ADD2: variants seen among roughly 807,000 people sequenced by gnomAD.
ADD2 encodes beta-adducin.
In ADD2, 23 loss-of-function variants were observed where a neutral mutation model predicts 83.0. That is an observed-to-expected ratio of 0.28 (90% CI 0.20 to 0.39). ADD2 has a LOEUF of 0.39. ADD2 is among the 10% of genes least tolerant of loss of function. The pLI, the probability that ADD2 is intolerant of heterozygous loss-of-function variation, is 1.00. For synonymous variants in ADD2, 375 were observed against 375.4 expected, an observed-to-expected ratio of 1.00 and a Z score of 0.01; for missense variants, 758 against 944.9, an observed-to-expected ratio of 0.80 and a Z score of 2.59.
intron 1 of ADD2, among the ~76,000 whole-genome samples, chr2:70,765,940 C>A (rs956629038): frequency 1.3e-5 from 2 of 152,110 alleles, no homozygotes; most frequent in Non-Finnish European, 2.9e-5. Flanking sequence ...ATCTACTAGT[C>A]TTTTTTATAT....
At chr2:70,695,911 C>T in intron 5 of ADD2, 110 bp from the exon 6 acceptor site, 1 of 899,676 alleles carries the variant, frequency 1.1e-6, no homozygotes, top group Non-Finnish European at 1.8e-6. Context: ...AAGTCCATCT[C>T]TAATGAACCC....
intron 1 of ADD2, among the ~76,000 whole-genome samples, chr2:70,763,765 A>T (rs1434838334): frequency 6.6e-6 from 1 of 152,000 alleles, no homozygotes; most frequent in Non-Finnish European, 1.5e-5. Flanking sequence ...ATTATAGGAA[A>T]TTGAGCAGGA....
chr2:70,735,028 A>G (rs1553379846), intron 1 of ADD2, among the ~76,000 whole-genome samples: 4 of 152,202 alleles, frequency 2.6e-5, no homozygotes, highest in African/African-American at 9.7e-5. Flanking sequence ...TGAAATAATT[A>G]TGAGGAAAAA....
rs1031062707 is a variant in ADD2, at chr2:70,662,026, T to C, written c.*1399A>G. 4 of 152,238 alleles carry C rather than the reference T, an allele frequency of 2.6e-5. No homozygotes were observed. Among genetic ancestry groups the C allele is most frequent in the African/African-American group, 9.6e-5 (4 of 41,462 alleles). 9.4% of individuals were successfully genotyped at this position (152,238 alleles called of 1,614,324 possible). The stretch of plus-strand genomic sequence containing the variant: ...GTATGTGAAGCCTGCACAGTGTCTA[T>C]AGATAGCAAGTGCTCAAAAGTGGAA... On this transcript the variant is annotated 3_prime_UTR_variant, in exon 16 of 16. Coordinates refer to ENST00000264436, the MANE Select transcript of ADD2 (RefSeq NM_001617.4).
chr2:70,758,643 T>TG (rs1674924108), intron 1 of ADD2, among the ~76,000 whole-genome samples: 1 of 151,746 alleles, frequency 6.6e-6, no homozygotes, highest in South Asian at 2.1e-4. Flanking sequence ...ACCAGAATTT[T>TG]AAAAAAAATA....
intron 1 of ADD2, among the ~76,000 whole-genome samples, chr2:70,736,710 A>G (rs1043373897): frequency 2.0e-5 from 3 of 152,172 alleles, no homozygotes; most frequent in Non-Finnish European, 4.4e-5. Context: ...GTTTCTGAAG[A>G]GAAATCTATT....
intron 1 of ADD2, among the ~76,000 whole-genome samples, chr2:70,726,579 T>G (rs1422273431): frequency 6.6e-6 from 1 of 152,152 alleles, no homozygotes; most frequent in African/African-American, 2.4e-5. Flanking sequence ...CCTGGGAGAA[T>G]GGAAATGTTG....
At chr2:70,689,847 A>G (rs1259326061) in intron 8 of ADD2, among the ~76,000 whole-genome samples, 2 of 152,154 alleles carry the variant, frequency 1.3e-5, no homozygotes, top group East Asian at 3.9e-4. Context: ...CTTGCAAGCT[A>G]GTGGAAAAAT....
chr2:70,759,927 A>G (rs1674995010), intron 1 of ADD2, among the ~76,000 whole-genome samples: 1 of 151,978 alleles, frequency 6.6e-6, no homozygotes, highest in African/African-American at 2.4e-5. Flanking sequence ...ACCATACCAC[A>G]GCCCATCTAG....
chr2:70,684,857 G>T (rs1234320432), intron 9 of ADD2, among the ~76,000 whole-genome samples: 1 of 152,174 alleles, frequency 6.6e-6, no homozygotes, highest in Non-Finnish European at 1.5e-5. Context: ...AGGACAAGAG[G>T]TGTGTGTATA....
chr2:70,674,724 C>G lies in ADD2; in HGVS notation c.1695G>C (p.Leu565Phe). Residue 565 changes from leucine (L) to phenylalanine (F), a missense_variant, in exon 14 of 16, where the codon TTG becomes TTC. Physicochemically the swap from Leu to Phe is conservative, Grantham distance 22 (BLOSUM62 0). This residue lies in a region of ADD2 where 14 missense variants were observed against 36.2 expected (regional missense o/e 0.39). Transcript: ENST00000264436. ...NPFSQLTDQE[L>F]EEYKKEVERK... is the part of the protein sequence containing the mutation. The stretch of plus-strand genomic sequence containing the variant: ...TCTCCACCTCTTTCTTGTACTCCTC[C>G]AACTCCTGGTCAGTGAGTTGGCTGA... 6.2e-7 allele frequency: 1 copy of G among 1,614,126 alleles called. No homozygotes were observed. Among genetic ancestry groups the G allele is most frequent in the Non-Finnish European group, 8.5e-7 (1 of 1,180,026 alleles).
At chr2:70,677,569 C>T (rs931339115) in intron 12 of ADD2, among the ~76,000 whole-genome samples, 189 bp downstream of exon 12, 6 of 152,144 alleles carry the variant, frequency 3.9e-5, no homozygotes, top group Admixed American at 1.3e-4. Context: ...TAAAGGGTTA[C>T]GGGACCACAG....
chr2:70,693,862 T>C (rs762136514), intron 6 of ADD2, among the ~76,000 whole-genome samples: 1 of 152,070 alleles, frequency 6.6e-6, no homozygotes, highest in Admixed American at 6.6e-5. Flanking sequence ...CACAGCCTAA[T>C]ACAGCAGCCA....
intron 15 of ADD2, among the ~76,000 whole-genome samples, chr2:70,666,511 G>T (rs1423881391): frequency 1.3e-5 from 2 of 152,168 alleles, no homozygotes; most frequent in East Asian, 3.8e-4. Flanking sequence ...GATACATTAG[G>T]ATGCATTTCT....
chr2:70,668,357 A>C (rs969228087), intron 15 of ADD2, among the ~76,000 whole-genome samples: 3 of 152,196 alleles, frequency 2.0e-5, no homozygotes, highest in South Asian at 2.1e-4. Flanking sequence ...CGCTCCAAGC[A>C]TGTACCTATC....
At chr2:70,738,441 T>C (rs1673701314) in intron 1 of ADD2, among the ~76,000 whole-genome samples, 1 of 152,196 alleles carries the variant, frequency 6.6e-6, no homozygotes, top group African/African-American at 2.4e-5. Flanking sequence ...TCTTTGCTAC[T>C]TGGAGGAGAG....
chr2:70,694,133 C>T (rs1220480279), intron 6 of ADD2, among the ~76,000 whole-genome samples: 1 of 152,240 alleles, frequency 6.6e-6, no homozygotes, highest in Non-Finnish European at 1.5e-5. Flanking sequence ...TCATAAACAT[C>T]TCATGCCCAT....
In ADD2 at chr2:70,761,227, C is replaced by A. The variant is rs66685561; in HGVS notation, c.-154+6659G>T. On this transcript the variant is annotated intron_variant, in intron 1 of 15. Transcript: ENST00000264436. ...TTCTGGAAAGCAAAAGCATGCATTA[C>A]TTTTTTTTTTTTTTAAAGACAATAA... Among the ~76,000 whole-genome samples, 1,071 of 146,772 alleles carry A rather than the reference C, an allele frequency of 7.3e-3. 5 individuals carry two copies. Among genetic ancestry groups the A allele is most frequent in the East Asian group, 0.038 (190 of 5,036 alleles).
chr2:70,663,784 A>G, intron 15 of ADD2, 49 bp from the exon 16 acceptor site: 1 of 1,558,880 alleles, frequency 6.4e-7, no homozygotes, highest in South Asian at 1.2e-5. Flanking sequence ...TTCAGGTGAC[A>G]GCTTCCACCT....
Sources: gnomAD v4.1 joint callset for allele counts (sites outside exome capture counted in the v4.1 genomes callset) on GRCh38, gnomAD v4.1.1 for gene constraint, gnomAD v4.1.1 regional missense constraint, MANE v1.5 for transcripts, NCBI Gene and HGNC (gene_info 2026-07-23, HGNC 2026-07-21) for gene names.